The following DLEC1 variants were observed in gnomAD, a reference collection of about 807,000 sequenced individuals.
DLEC1 encodes DLEC1 cilia and flagella associated protein.
DLEC1 carries 146 observed loss-of-function variants against 198.1 expected under a neutral mutation model. The observed-to-expected ratio is 0.74, with a 90% CI of 0.64 to 0.85. The LOEUF is 0.85. Among genes scored for constraint, DLEC1 ranks in the 40% least tolerant of loss-of-function variants. DLEC1 has a pLI of 0.00. For missense variants in DLEC1, 2,233 were observed against 2,220.0 expected (o/e 1.01, Z -0.12); for synonymous variants, 897 against 866.8 (o/e 1.03, Z -0.61).
At chr3:38,059,372 TGAA>T (rs1218148231) in intron 2 of DLEC1, among the ~76,000 whole-genome samples, 1 of 152,110 alleles carries the variant, frequency 6.6e-6, no homozygotes, top group Admixed American at 6.5e-5. Context: ...CAGTCAGGAG[TGAA>T]GAAGTGCACT....
intron 2 of DLEC1, among the ~76,000 whole-genome samples, chr3:38,058,482 A>G (rs1696501569): frequency 1.3e-5 from 2 of 152,258 alleles, no homozygotes; most frequent in South Asian, 4.1e-4. Context: ...CTCCCAGGCC[A>G]GCATTGCCTA....
At chr3:38,086,504 A>T in intron 9 of DLEC1, 127 bp downstream of exon 9, 1 of 1,283,188 alleles carries the variant, frequency 7.8e-7, no homozygotes. Context: ...TAAACTCTCT[A>T]TGCAACTGCC....
intron 6 of DLEC1, among the ~76,000 whole-genome samples, chr3:38,065,310 C>T (rs9755302): frequency 0.32 from 48,091 of 151,546 alleles, 7,920 homozygotes; most frequent in East Asian, 0.55. Context: ...CTCCGCTCGG[C>T]ATCAGAGGGA....
In DLEC1 at chr3:38,039,475, C is replaced by G. The variant is rs201100943; in HGVS notation, c.250C>G (p.Pro84Ala). 3 of 1,614,050 alleles carry G rather than the reference C, an allele frequency of 1.9e-6. No individual in the cohort carries two copies. Among genetic ancestry groups the G allele is most frequent in the East Asian group, 4.5e-5 (2 of 44,888 alleles). The stretch of plus-strand genomic sequence containing the variant: ...CGAGCCTCAGCTGCTTCGTCTGCGC[C>G]CCTCCTCGCTGCGCACCCAAGATAT... The part of the protein sequence containing the change: ...RPEPQLLRLR[P>A]SSLRTQDISH... The change falls in exon 1 of 37, where the codon CCC (proline) becomes GCC (alanine). Residue 84 changes from proline (P) to alanine (A), a missense_variant. Coordinates refer to ENST00000308059, the MANE Select transcript of DLEC1 (RefSeq NM_007335.4).
intron 28 of DLEC1, 44 bp from the exon 29 acceptor site, chr3:38,116,729 G>C: frequency 6.2e-7 from 1 of 1,608,214 alleles, no homozygotes; most frequent in Non-Finnish European, 8.5e-7. Context: ...TAGGCTAGTT[G>C]AACCTCAGTG....
rs577919194 is a variant in DLEC1 at position 38,120,523 on chromosome 3, G to A, written c.4780G>A (p.Val1594Met). 5.3e-5 allele frequency: 85 copies of A among 1,614,240 alleles called. 1 individual carries two copies. In the South Asian group the frequency reaches 9.0e-4, roughly 17 times the overall value. The change falls in exon 34 of 37, where the codon GTG becomes ATG. Residue 1594 changes from valine (V) to methionine (M), a missense_variant. Val to Met is a conservative substitution (Grantham distance 21). Coordinates refer to ENST00000308059, the MANE Select transcript of DLEC1 (RefSeq NM_007335.4). ...KLPADQTLPG[V>M]DIQQSASGER... Reference sequence around the variant, plus strand: ...CCCAGCTGACCAGACACTGCCTGGGGTGGACATTCAGCAGAGTGCGAGTGG... The same window carrying A: ...CCCAGCTGACCAGACACTGCCTGGGATGGACATTCAGCAGAGTGCGAGTGG...
At chr3:38,109,340 T>C (rs1699737847) in intron 21 of DLEC1, 92 bp from the exon 22 acceptor site, 1 of 1,548,886 alleles carries the variant, frequency 6.5e-7, no homozygotes, top group Non-Finnish European at 8.7e-7. Flanking sequence ...AGGTCAAGGC[T>C]CCACAGCAAT....
At position 38,068,739 on chromosome 3, in the gene DLEC1, G is replaced by C. The variant is rs140315773; in HGVS notation, c.1173+4820G>C. ...GGACATATGGGGGAGAGATTTGTAG[G>C]GTGGTGGAGAAGGATTGAATTATTG... On this transcript the variant is annotated intron_variant, in intron 6 of 36. Coordinates refer to ENST00000308059, the MANE Select transcript of DLEC1 (RefSeq NM_007335.4). Among the ~76,000 whole-genome samples, 808 of 152,278 alleles carry C rather than the reference G, an allele frequency of 5.3e-3. 10 individuals are homozygous for C. Among genetic ancestry groups the C allele is most frequent in the African/African-American group, 0.018 (727 of 41,528 alleles).
At position 38,095,065 on chromosome 3, in the gene DLEC1, T is replaced by C. The variant is rs1393993257; in HGVS notation, c.2106T>C (p.Pro702=). The part of the protein sequence containing the change: ...TDHEFILSFS[P]HELRDFHSVL... ...ACGAGTTCATCCTGAGCTTTTCTCC[T>C]CATGAGGTTCAGATGGTGTCATCTC... Residue 702 remains proline, a synonymous_variant, in exon 13 of 37, where the codon CCT becomes CCC. Coordinates refer to ENST00000308059, the MANE Select transcript of DLEC1 (RefSeq NM_007335.4). 3 of 1,614,178 alleles carry C rather than the reference T, an allele frequency of 1.9e-6. No individual in the cohort carries two copies. The highest frequency in any genetic ancestry group is 2.5e-6 in the Non-Finnish European group (3 of 1,180,006).
rs941924478 is a variant in DLEC1 at position 38,097,045 on chromosome 3, G to A, written c.2341-137G>A. The A allele has an allele frequency of 5.6e-6, 5 of 900,712 alleles. No individual in the cohort carries two copies. The African/African-American group carries it at 6.8e-5, about 12-fold the overall frequency. 55.8% of individuals were successfully genotyped at this position (900,712 alleles called of 1,614,324 possible). ...GGTGCTTTTGGGTTGGGAGGCCCAT[G>A]GCTTTGGGTGGCCAGGAATTAGCCG... is the stretch of plus-strand genomic sequence containing the variant. On this transcript the variant is annotated intron_variant, in intron 15 of 36. Coordinates refer to ENST00000308059, the MANE Select transcript of DLEC1 (RefSeq NM_007335.4).
In DLEC1 at chr3:38,117,981, C is replaced by T; in HGVS notation, c.4661C>T (p.Ser1554Leu). 6.2e-7 allele frequency: 1 copy of T among 1,613,258 alleles called. No individual in the cohort carries two copies. The highest frequency in any genetic ancestry group is 1.1e-5 in the South Asian group (1 of 91,050). Residue 1554 changes from serine to leucine, a missense_variant, in exon 33 of 37, where the codon TCA becomes TTA. Coordinates refer to ENST00000308059, the MANE Select transcript of DLEC1 (RefSeq NM_007335.4). ...QKQECEEETA[S>L]ADKQLVLQAQ... The stretch of plus-strand genomic sequence containing the variant: ...CAGGAGTGTGAGGAGGAGACAGCCT[C>T]AGCGGACAAGCAGCTGGTGCTCCAA...
chr3:38,084,375 ATGG>A (rs1559429832), intron 7 of DLEC1, 130 bp downstream of exon 7: 63 of 462,588 alleles, frequency 1.4e-4, no homozygotes, highest in Admixed American at 4.0e-4. Flanking sequence ...AGTAGTAGTG[ATGG>A]TGGTAGTAGT....
At chr3:38,108,663 C>A in intron 21 of DLEC1, 148 bp downstream of exon 21, 1 of 675,170 alleles carries the variant, frequency 1.5e-6, no homozygotes, top group Non-Finnish European at 2.6e-6. Flanking sequence ...CTGGGGTCCC[C>A]ATTCCTGCTG....
intron 2 of DLEC1, among the ~76,000 whole-genome samples, chr3:38,054,068 G>A (rs981637017): frequency 6.6e-6 from 1 of 151,972 alleles, no homozygotes; most frequent in African/African-American, 2.4e-5. Context: ...GAAGGCCGCA[G>A]GGTCCTCTGC....
intron 23 of DLEC1, among the ~76,000 whole-genome samples, chr3:38,110,933 C>T (rs749791399): frequency 1.3e-5 from 2 of 152,038 alleles, no homozygotes; most frequent in Non-Finnish European, 2.9e-5. Flanking sequence ...CACATGCACA[C>T]ACACATATAC....
intron 6 of DLEC1, among the ~76,000 whole-genome samples, chr3:38,064,682 A>G (rs1338312657): frequency 5.3e-3 from 737 of 140,234 alleles, no homozygotes; most frequent in African/African-American, 0.019. Context: ...GGGCAGAGAC[A>G]CTCCTCAGTT....
At chr3:38,040,113 G>A (rs1700585796) in intron 1 of DLEC1, among the ~76,000 whole-genome samples, 1 of 152,074 alleles carries the variant, frequency 6.6e-6, no homozygotes, top group Non-Finnish European at 1.5e-5. Context: ...GCTGACTCGC[G>A]GCCTCTGTGC....
intron 6 of DLEC1, among the ~76,000 whole-genome samples, chr3:38,071,002 T>A (rs1270351877): frequency 6.6e-6 from 1 of 151,658 alleles, no homozygotes; most frequent in Non-Finnish European, 1.5e-5. Context: ...GTGGCGAAAA[T>A]TTTTGGGGGA....
intron 2 of DLEC1, among the ~76,000 whole-genome samples, chr3:38,055,432 A>G (rs557434098): frequency 1.3e-5 from 2 of 152,354 alleles, no homozygotes; most frequent in South Asian, 4.1e-4. Flanking sequence ...TATAGCAGCC[A>G]CAGTGGGAGC....
Sources: gnomAD v4.1 joint callset for allele counts (sites outside exome capture counted in the v4.1 genomes callset) on GRCh38, gnomAD v4.1.1 for gene constraint, MANE v1.5 for transcripts, NCBI Gene and HGNC (gene_info 2026-07-23, HGNC 2026-07-21) for gene names.